Variants in C1RL observed in about 807,000 individuals in gnomAD.
The protein encoded by C1RL is complement C1r subcomponent-like protein.
Under a neutral mutation model 27.9 loss-of-function variants are expected in C1RL, and 27 were observed. The observed-to-expected ratio is 0.97, with a 90% confidence interval of 0.71 to 1.33. C1RL has a LOEUF of 1.33. Ranked by LOEUF, C1RL falls within the 40% of genes most tolerant of loss-of-function variation. The pLI is 0.00. For missense variants in C1RL, 563 were observed against 623.9 expected (o/e 0.90, Z 1.04); for synonymous variants, 248 against 252.1 (o/e 0.98, Z 0.15).
rs752427018 is a variant in C1RL, at chr12:7,096,371, C to A, written c.*20G>T. 8.4e-6 allele frequency: 12 copies of A among 1,430,090 alleles called. No individual in the cohort carries two copies. In the African/African-American group the frequency reaches 1.7e-4, roughly 21 times the overall value. The allele number at this position is 1,430,090 out of a possible 1,614,324, so 88.6% of individuals were successfully genotyped here. On this transcript the variant is annotated 3_prime_UTR_variant, in exon 6 of 6. Transcript: ENST00000266542. ...TGGGGCCTCCACTGTGCTGGTCAGT[C>A]CCTGTTCAAGCCCCCAGGGTCAATT... is the stretch of plus-strand genomic sequence containing the variant.
rs780228170 is a variant in C1RL, at chr12:7,108,409, G to C, written c.142C>G (p.Leu48Val). 6.8e-6 allele frequency: 11 copies of C among 1,613,964 alleles called. No individual in the cohort carries two copies. Among genetic ancestry groups the C allele is most frequent in the Non-Finnish European group, 9.3e-6 (11 of 1,179,896 alleles). ...CCGGGGGATGTCAGCTGCTGGGGTAGCTCTTGGGCCAAGAGGACGGAGCCC... is the reference window on the plus strand; with the variant it reads ...CCGGGGGATGTCAGCTGCTGGGGTACCTCTTGGGCCAAGAGGACGGAGCCC... ...TRGSVLLAQE[L>V]PQQLTSPGYP... is the part of the protein sequence containing the mutation. The change falls in exon 2 of 6, where the codon CTA becomes GTA. Residue 48 changes from leucine to valine, a missense_variant. Coordinates refer to ENST00000266542, the MANE Select transcript of C1RL (RefSeq NM_016546.4).
rs1430184800 is a variant in C1RL at position 7,108,381 on chromosome 12, T to C, written c.170A>G (p.Tyr57Cys). The C allele has an allele frequency of 1.2e-6, 2 of 1,614,196 alleles. No individual in the cohort carries two copies. Among genetic ancestry groups the C allele is most frequent in the East Asian group, 4.5e-5 (2 of 44,884 alleles). The part of the protein sequence containing the change: ...ELPQQLTSPG[Y>C]PEPYGKGQES... ...TTGGCCTTTGCCATACGGCTCTGGG[T>C]ACCCGGGGGATGTCAGCTGCTGGGG... Residue 57 changes from tyrosine (Y) to cysteine (C), a missense_variant, in exon 2 of 6, where the codon TAC becomes TGC. Transcript: ENST00000266542.
chr12:7,102,404 T>C (rs1350301948), intron 2 of C1RL, among the ~76,000 whole-genome samples: 1 of 152,192 alleles, frequency 6.6e-6, no homozygotes, highest in African/African-American at 2.4e-5. Flanking sequence ...GTCACTGGAT[T>C]ATGCATTCTA....
rs760916475 is a variant in C1RL, at chr12:7,097,046, C to G, written c.809G>C (p.Gly270Ala). Reference sequence around the variant, plus strand: ...GATCCATCTGTCCCCCAGCAGGGCCCCGCCCCCACGGCCGTGGATACTGGT... The same window carrying G: ...GATCCATCTGTCCCCCAGCAGGGCCGCGCCCCCACGGCCGTGGATACTGGT... The part of the protein sequence containing the change: ...AFTSIHGRGG[G>A]ALLGDRWILT... Residue 270 changes from glycine to alanine, a missense_variant, in exon 6 of 6, where the codon GGG becomes GCG. Transcript: ENST00000266542. The G allele has an allele frequency of 1.9e-6, 3 of 1,614,030 alleles. No individual in the cohort carries two copies. In the East Asian group the frequency reaches 6.7e-5, roughly 36 times the overall value.
At chr12:7,098,661 G>T (rs1272629012) in intron 5 of C1RL, among the ~76,000 whole-genome samples, 1 of 152,172 alleles carries the variant, frequency 6.6e-6, no homozygotes, top group African/African-American at 2.4e-5. Flanking sequence ...GCTATAACAG[G>T]AATGAACCTT....
In C1RL at chr12:7,108,807, G is replaced by A. The variant is rs1938844702; in HGVS notation, c.71+303C>T. The stretch of plus-strand genomic sequence containing the variant: ...TTCAGCAGATCCCACCCCACCCTGG[G>A]ATCCGAGGGAGCAATGGTGGGGCGA... On this transcript the variant is annotated intron_variant, in intron 1 of 5. Coordinates refer to ENST00000266542, the MANE Select transcript of C1RL (RefSeq NM_016546.4). 7.3e-6 allele frequency: 4 copies of A among 550,800 alleles called. No homozygotes were observed. The Admixed American group carries it at 1.0e-4, about 14-fold the overall frequency. 34.1% of individuals were successfully genotyped at this position (550,800 alleles called of 1,614,324 possible).
At chr12:7,103,714 T>C (rs1278577682) in intron 2 of C1RL, among the ~76,000 whole-genome samples, 1 of 152,008 alleles carries the variant, frequency 6.6e-6, no homozygotes, top group East Asian at 1.9e-4. Context: ...CGCTGACAAG[T>C]AAAAAAATAA....
chr12:7,097,283 GTTTTT>G, intron 5 of C1RL, 120 bp from the exon 6 acceptor site: 26 of 612,068 alleles, frequency 4.2e-5, no homozygotes, highest in South Asian at 7.8e-5. Flanking sequence ...GGATCAGGAC[GTTTTT>G]TTTTTTTTTT....
In C1RL at chr12:7,109,154, T is replaced by A; in HGVS notation, c.27A>T (p.Lys9Asn). MPGPRVWG[K>N]YLWRSPHSKG... ...TGGAGTGAGGGCTTCTCCAGAGATATTTCCCCCACACTCTGGGTCCAGGCA... is the reference window on the plus strand; with the variant it reads ...TGGAGTGAGGGCTTCTCCAGAGATAATTCCCCCACACTCTGGGTCCAGGCA... The change falls in exon 1 of 6, where the codon AAA becomes AAT. Residue 9 changes from lysine (K) to asparagine (N), a missense_variant. Lys to Asn is a moderately conservative substitution (Grantham distance 94). Transcript: ENST00000266542. 6.2e-7 allele frequency: 1 copy of A among 1,602,180 alleles called. No homozygotes were observed. Among genetic ancestry groups the A allele is most frequent in the Non-Finnish European group, 8.5e-7 (1 of 1,174,036 alleles).
intron 3 of C1RL, among the ~76,000 whole-genome samples, chr12:7,101,117 CCCTCCCTCCTT>C (rs1201952586): frequency 1.2e-4 from 2 of 16,400 alleles, no homozygotes; most frequent in Non-Finnish European, 3.0e-4. Flanking sequence ...TTCCCTCCCT[CCCTCCCTCCTT>C]CTTCCCTCCC....
Position 7,095,675 on chromosome 12 carries a change from G to T in C1RL, c.*716C>A. The T allele has an allele frequency of 1.0e-6, 1 of 980,648 alleles. No homozygotes were observed. The highest frequency in any genetic ancestry group is 1.2e-6 in the Non-Finnish European group (1 of 825,490). The allele number at this position is 980,648 out of a possible 1,614,324, so 60.7% of individuals were successfully genotyped here. A position where few individuals can be genotyped will look rare whatever the true frequency, so the allele number is the denominator to read the frequency against. On this transcript the variant is annotated 3_prime_UTR_variant, in exon 6 of 6. Transcript: ENST00000266542. ...GCGGGTGACACAGCAGGTTAGAGGAGGGTTGAGAAGTATTGCAGCACACTG... is the reference window on the plus strand; with the variant it reads ...GCGGGTGACACAGCAGGTTAGAGGATGGTTGAGAAGTATTGCAGCACACTG...
chr12:7,101,168 A>G (rs1463171739), intron 3 of C1RL, among the ~76,000 whole-genome samples: 6 of 5,252 alleles, frequency 1.1e-3, no homozygotes, highest in Non-Finnish European at 2.2e-3. Flanking sequence ...TTCCCTTCTT[A>G]CTTTCCCTCT....
Position 7,108,372 on chromosome 12 carries a change from G to C in C1RL, c.179C>G (p.Pro60Arg). The change falls in exon 2 of 6, where the codon CCG (proline) becomes CGG (arginine). Residue 60 changes from proline to arginine, a missense_variant. Coordinates refer to ENST00000266542, the MANE Select transcript of C1RL (RefSeq NM_016546.4). ...GCTGCTCTCTTGGCCTTTGCCATAC[G>C]GCTCTGGGTACCCGGGGGATGTCAG... ...QQLTSPGYPE[P>R]YGKGQESSTD... is the part of the protein sequence containing the mutation. 1 of 1,614,200 alleles carries C rather than the reference G, an allele frequency of 6.2e-7. No homozygotes were observed.
chr12:7,108,484 G>A lies in C1RL; in HGVS notation c.72-5C>T. 1 of 1,575,994 alleles carries A rather than the reference G, an allele frequency of 6.3e-7. No individual in the cohort carries two copies. Among genetic ancestry groups the A allele is most frequent in the Non-Finnish European group, 8.6e-7 (1 of 1,157,358 alleles). The stretch of plus-strand genomic sequence containing the variant: ...CCCCAGAGAAGCAGCCACCACCTGT[G>A]AGTTGGGGGGAGGGCAAGGTGGGGC... On this transcript the variant is annotated splice_region_variant and splice_polypyrimidine_tract_variant and intron_variant, in intron 1 of 5. Coordinates refer to ENST00000266542, the MANE Select transcript of C1RL (RefSeq NM_016546.4).
Position 7,108,432 on chromosome 12 carries a change from CCCCGGGTTGGGCAAG to C in C1RL, c.104_118del (p.Ala35_Arg39del). The stretch of plus-strand genomic sequence containing the variant: ...TAGCTCTTGGGCCAAGAGGACGGAG[CCCCGGGTTGGGCAAG>C]CCTGGAGGACTCCCCAGAGAAGCAG... On this transcript the variant is annotated inframe_deletion, in exon 2 of 6. Coordinates refer to ENST00000266542, the MANE Select transcript of C1RL (RefSeq NM_016546.4). 1 of 1,611,974 alleles carries C rather than the reference CCCCGGGTTGGGCAAG, an allele frequency of 6.2e-7. No individual in the cohort carries two copies. The highest frequency in any genetic ancestry group is 8.5e-7 in the Non-Finnish European group (1 of 1,178,740).
At chr12:7,100,226 G>C (rs1434399057) in intron 3 of C1RL, among the ~76,000 whole-genome samples, 200 bp from the exon 4 acceptor site, 1 of 152,122 alleles carries the variant, frequency 6.6e-6, no homozygotes, top group Non-Finnish European at 1.5e-5. Flanking sequence ...CAGGGTAGGG[G>C]GGAACAGGCA....
At position 7,096,792 on chromosome 12, in the gene C1RL, C is replaced by T. The variant is rs149653325; in HGVS notation, c.1063G>A (p.Val355Ile). 124 of 1,604,910 alleles carry T rather than the reference C, an allele frequency of 7.7e-5. No homozygotes were observed. The Middle Eastern group carries it at 2.3e-3, about 30-fold the overall frequency. The change falls in exon 6 of 6, where the codon GTC becomes ATC. Residue 355 changes from valine to isoleucine, a missense_variant. Coordinates refer to ENST00000266542, the MANE Select transcript of C1RL (RefSeq NM_016546.4). ...TTATCGGGCAGACAGACCGGGAGGA[C>T]GTTGGGGCCCAGGGGGATGCTGTGC... ...LQHSIPLGPNVLPVCLPDNET... is the reference protein window; with the variant it reads ...LQHSIPLGPNILPVCLPDNET...
rs1157933378 is a variant in C1RL, at chr12:7,095,453, C to T, written c.*938G>A. 1 of 996,052 alleles carries T rather than the reference C, an allele frequency of 1.0e-6. No homozygotes were observed. The highest frequency in any genetic ancestry group is 4.2e-5 in the South Asian group (1 of 23,926). 61.7% of individuals were successfully genotyped at this position (996,052 alleles called of 1,614,324 possible). A position where few individuals can be genotyped will look rare whatever the true frequency, so the allele number is the denominator to read the frequency against. On this transcript the variant is annotated 3_prime_UTR_variant, in exon 6 of 6. Coordinates refer to ENST00000266542, the MANE Select transcript of C1RL (RefSeq NM_016546.4). ...TTTACTAAAAATTAAAGAGTTGGTC[C>T]TCTCAGGTGGAGCAGTTCCCCTGAT...
intron 3 of C1RL, 112 bp from the exon 4 acceptor site, chr12:7,100,138 GT>G: frequency 8.9e-7 from 1 of 1,119,164 alleles, no homozygotes; most frequent in South Asian, 1.7e-5. Context: ...TTTATTTTTA[GT>G]TTTTTTAAAA....
Sources: allele counts gnomAD v4.1 joint callset (sites outside exome capture counted in the v4.1 genomes callset), GRCh38; gene constraint gnomAD v4.1.1; transcripts MANE v1.5; gene names NCBI Gene and HGNC (gene_info 2026-07-23, HGNC 2026-07-21).